The following TTN variants were observed in gnomAD, a reference collection of about 807,000 sequenced individuals.
TTN encodes titin.
Under a neutral mutation model 3,223.0 loss-of-function variants are expected in TTN, and 1,525 were observed. The observed-to-expected ratio is 0.47, with a 90% CI of 0.45 to 0.49. The LOEUF is 0.49. TTN is among the 20% of genes least tolerant of loss of function. The pLI, the probability that TTN is intolerant of heterozygous loss-of-function variation, is 0.00. For synonymous variants in TTN, 14,094 were observed against 15,161.0 expected (o/e 0.93, Z 5.17); for missense variants, 40,786 against 43,424.0 (o/e 0.94, Z 5.40).
In TTN at chr2:178,738,141, G is replaced by A. The variant is rs762249414; in HGVS notation, c.14312C>T (p.Thr4771Ile). 2 of 1,613,824 alleles carry A rather than the reference G, an allele frequency of 1.2e-6. No individual in the cohort carries two copies. The highest frequency in any genetic ancestry group is 8.5e-7 in the Non-Finnish European group (1 of 1,179,778). ...RTQVVDCGEY[T>I]CKASNEYGSV... Reference sequence around the variant, plus strand: ...GCCATACTCATTGGAAGCTTTGCATGTATACTCGCCGCAGTCAACCACCTG... The same window carrying A: ...GCCATACTCATTGGAAGCTTTGCATATATACTCGCCGCAGTCAACCACCTG... Residue 4771 changes from threonine (T) to isoleucine (I), a missense_variant, in exon 49 of 363, where the codon ACA (threonine) becomes ATA (isoleucine). Physicochemically the swap from Thr to Ile is moderately conservative, Grantham distance 89 (BLOSUM62 -1). Coordinates refer to ENST00000589042, the MANE Select transcript of TTN (RefSeq NM_001267550.2).
Position 178,777,527 on chromosome 2 carries a change from T to C in TTN, c.4538A>G (p.Gln1513Arg), listed in dbSNP as rs1387578127. 2.5e-6 allele frequency: 4 copies of C among 1,613,976 alleles called. No homozygotes were observed. The Admixed American group carries it at 6.7e-5, about 27-fold the overall frequency. ...TGTGGCAGGGACAATAATTAGTGAT[T>C]GAGTACCATCTTCTTTAATGACTAC... ...HKVVIKEDGT[Q>R]SLIIVPATPS... Residue 1513 changes from glutamine (Q) to arginine (R), a missense_variant, in exon 26 of 363, where the codon CAA becomes CGA. Gln to Arg is a conservative substitution (Grantham distance 43, BLOSUM62 1). Coordinates refer to ENST00000589042, the MANE Select transcript of TTN (RefSeq NM_001267550.2).
At position 178,562,513 on chromosome 2, in the gene TTN, A is replaced by C; in HGVS notation, c.83619T>G (p.Val27873=). Residue 27873 remains valine, a synonymous_variant, in exon 326 of 363, where the codon GTT becomes GTG. Transcript: ENST00000589042. The part of the protein sequence containing the change: ...PPLPPGRVTL[V]DVTRNTATIK... ...TTGTAGCTGTATTACGGGTCACATCAACAAGAGTTACTCTTCCAGGTGGGA... is the reference window on the plus strand; with the variant it reads ...TTGTAGCTGTATTACGGGTCACATCCACAAGAGTTACTCTTCCAGGTGGGA... The C allele has an allele frequency of 1.2e-6, 2 of 1,611,800 alleles. No individual in the cohort carries two copies. The highest frequency in any genetic ancestry group is 1.7e-6 in the Non-Finnish European group (2 of 1,179,276).
At position 178,766,630 on chromosome 2, in the gene TTN, TAAA is replaced by T. The variant is rs201990196; in HGVS notation, c.9472-21_9472-19del. The T allele has an allele frequency of 8.2e-6, 13 of 1,592,826 alleles. No individual in the cohort carries two copies. Among genetic ancestry groups the T allele is most frequent in the South Asian group, 1.1e-5 (1 of 90,400 alleles). On this transcript the variant is annotated intron_variant, in intron 40 of 362. Coordinates refer to ENST00000589042, the MANE Select transcript of TTN (RefSeq NM_001267550.2). ...TCAATGACCTGTTGATGGAACAACA[TAAA>T]AAAACAACAACAACAACAAAAACTT...
intron 152 of TTN, among the ~76,000 whole-genome samples, chr2:178,673,388 A>C (rs1238327026): frequency 6.6e-6 from 1 of 151,848 alleles, no homozygotes; most frequent in Non-Finnish European, 1.5e-5. Context: ...ATATAGAGAC[A>C]TACTAATATA....
intron 320 of TTN, 31 bp downstream of exon 320, chr2:178,578,775 G>C: frequency 6.2e-7 from 1 of 1,605,440 alleles, no homozygotes; most frequent in Non-Finnish European, 8.5e-7. Flanking sequence ...ACCGTGTTTT[G>C]CTTTACGTCT....
rs1369028729 is a variant in TTN, at chr2:178,534,574, G to A, written c.102041C>T (p.Pro34014Leu). The change falls in exon 358 of 363, where the codon CCA (proline) becomes CTA (leucine). Residue 34014 changes from proline to leucine, a missense_variant. Pro to Leu is a moderately conservative substitution (Grantham distance 98). Coordinates refer to ENST00000589042, the MANE Select transcript of TTN (RefSeq NM_001267550.2). ...LVYVLLSGIN[P>L]FLAETNQQII... Reference sequence around the variant, plus strand: ...CTGTTGGTTAGTTTCAGCCAGGAATGGGTTGATACCACTCAATAGCACATA... The same window carrying A: ...CTGTTGGTTAGTTTCAGCCAGGAATAGGTTGATACCACTCAATAGCACATA... The A allele has an allele frequency of 6.2e-7, 1 of 1,613,862 alleles. No individual in the cohort carries two copies. Among genetic ancestry groups the A allele is most frequent in the Admixed American group, 1.7e-5 (1 of 60,022 alleles).
rs978819426 is a variant in TTN at position 178,641,315 on chromosome 2, A to T, written c.40559T>A (p.Val13520Asp). 8 of 1,467,768 alleles carry T rather than the reference A, an allele frequency of 5.5e-6. No homozygotes were observed. The highest frequency in any genetic ancestry group is 1.3e-5 in the South Asian group (1 of 75,344). 90.9% of individuals were successfully genotyped at this position (1,467,768 alleles called of 1,614,324 possible). The change falls in exon 220 of 363, where the codon GTT (valine) becomes GAT (aspartate). Residue 13520 changes from valine to aspartate, a missense_variant and splice_region_variant. Transcript: ENST00000589042. ...TTCTTCTTCAGGTCTTTTTCTTAGAACTTTAAAGACAAAAAGGTTTATATG... is the reference window on the plus strand; with the variant it reads ...TTCTTCTTCAGGTCTTTTTCTTAGATCTTTAAAGACAAAAAGGTTTATATG... ...EPKEEVVLKS[V>D]LRKRPEEEEP... is the part of the protein sequence containing the mutation.
chr2:178,636,687 A>G lies in TTN; in HGVS notation c.41040T>C (p.Ala13680=). 2 of 1,613,334 alleles carry G rather than the reference A, an allele frequency of 1.2e-6. No homozygotes were observed. Among genetic ancestry groups the G allele is most frequent in the Non-Finnish European group, 1.7e-6 (2 of 1,179,506 alleles). The change falls in exon 225 of 363, where the codon GCT becomes GCC. Residue 13680 remains alanine, a synonymous_variant. Transcript: ENST00000589042. This position sits in a 1 kb window ranked among gnomAD's most constrained non-coding sequence, Gnocchi z 4.3. ...DEAPFTYQLK[A]VPLKFVKEIK... ...TTTCTTTCACAAACTTCAGTGGCAC[A>G]GCCTTTAGCTGGTAGGTGAACGGGG...
At chr2:178,696,308 T>C in intron 113 of TTN, 39 bp from the exon 114 acceptor site, 2 of 1,438,294 alleles carry the variant, frequency 1.4e-6, no homozygotes, top group Non-Finnish European at 1.8e-6. Context: ...ATTAATTCTA[T>C]CCATCCAACT....
intron 52 of TTN, 57 bp downstream of exon 52, chr2:178,734,271 G>T: frequency 6.7e-7 from 1 of 1,495,438 alleles, no homozygotes; most frequent in Non-Finnish European, 8.9e-7. Context: ...TCTTCCATGG[G>T]GTAAGAAAGC....
rs1232801086 is a variant in TTN at position 178,694,086 on chromosome 2, C to G, written c.31427-78G>C. ...AGATCAAACACATGGATTTTATACT[C>G]AAGTATTTAGACACAGAATGAGTGG... On this transcript the variant is annotated intron_variant, in intron 117 of 362. Coordinates refer to ENST00000589042, the MANE Select transcript of TTN (RefSeq NM_001267550.2). 3 of 1,117,600 alleles carry G rather than the reference C, an allele frequency of 2.7e-6. No individual in the cohort carries two copies. The African/African-American group carries it at 4.6e-5, about 17-fold the overall frequency. 69.2% of individuals were successfully genotyped at this position (1,117,600 alleles called of 1,614,324 possible).
chr2:178,711,837 AT>A, intron 96 of TTN, 106 bp downstream of exon 96: 2 of 1,376,560 alleles, frequency 1.5e-6, no homozygotes, highest in South Asian at 3.3e-5. Context: ...CTTAAGCAGA[AT>A]TTTAAGCCTT....
At position 178,545,817 on chromosome 2, in the gene TTN, T is replaced by C. The variant is rs2154145405; in HGVS notation, c.95416+3A>G. 1 of 1,612,694 alleles carries C rather than the reference T, an allele frequency of 6.2e-7. No individual in the cohort carries two copies. Among genetic ancestry groups the C allele is most frequent in the East Asian group, 2.2e-5 (1 of 44,842 alleles). ...CAAATTATTTAAAAGTGTTAATACT[T>C]ACTGAATGAGTTTCTGGCTACAATT... On this transcript the variant is annotated splice_donor_region_variant and intron_variant, in intron 343 of 362. Transcript: ENST00000589042.
intron 106 of TTN, among the ~76,000 whole-genome samples, chr2:178,703,283 G>C (rs1577686423): frequency 6.6e-6 from 1 of 152,092 alleles, no homozygotes; most frequent in African/African-American, 2.4e-5. Context: ...GTACCATAAA[G>C]TCTTAGAAAT....
chr2:178,692,639 G>C, intron 119 of TTN, 59 bp from the exon 120 acceptor site: 2 of 1,285,640 alleles, frequency 1.6e-6, no homozygotes, highest in South Asian at 1.7e-5. Flanking sequence ...ATATGTTGTT[G>C]TAAGACTTAG....
intron 201 of TTN, 45 bp from the exon 202 acceptor site, chr2:178,652,586 A>G (rs368134449): frequency 6.2e-7 from 1 of 1,612,072 alleles, no homozygotes; most frequent in African/African-American, 1.3e-5. Flanking sequence ...TATGAAGACC[A>G]TTAGGAAAAA....
intron 102 of TTN, among the ~76,000 whole-genome samples, chr2:178,705,562 T>C (rs1024183860): frequency 2.0e-5 from 3 of 151,602 alleles, no homozygotes; most frequent in African/African-American, 7.3e-5. Context: ...ATTAGGACCA[T>C]TGTAATAAAA....
intron 102 of TTN, among the ~76,000 whole-genome samples, chr2:178,706,125 T>G (rs1265259380): frequency 1.3e-5 from 2 of 152,182 alleles, no homozygotes; most frequent in African/African-American, 2.4e-5. Flanking sequence ...AGAGATTCTT[T>G]TTGTGAATGG....
rs892874364 is a variant in TTN at position 178,634,469 on chromosome 2, T to C, written c.42312A>G (p.Gly14104=). ...CATTAATAACAAGAATATGTTTCTTTCCATCAGCGATGATATCAAATTTGT... is the reference window on the plus strand; with the variant it reads ...CATTAATAACAAGAATATGTTTCTTCCCATCAGCGATGATATCAAATTTGT... ...SSDKFDIIAD[G]KKHILVINDS... The change falls in exon 230 of 363, where the codon GGA becomes GGG. Residue 14104 remains glycine (G), a synonymous_variant. Transcript: ENST00000589042. The surrounding 1 kb of genome is among the most constrained non-coding windows in gnomAD (Gnocchi z 4.6). 3.7e-6 allele frequency: 6 copies of C among 1,613,248 alleles called. No homozygotes were observed. Among genetic ancestry groups the C allele is most frequent in the Non-Finnish European group, 3.4e-6 (4 of 1,179,494 alleles).
Sources: gnomAD v4.1 joint callset for allele counts (sites outside exome capture counted in the v4.1 genomes callset) on GRCh38, gnomAD v4.1.1 for gene constraint, Gnocchi (gnomAD v3.1) non-coding constraint, MANE v1.5 for transcripts, NCBI Gene and HGNC (gene_info 2026-07-23, HGNC 2026-07-21) for gene names.